The following PTPRE variants were observed in gnomAD, a reference collection of about 807,000 sequenced individuals.
The protein encoded by PTPRE is protein tyrosine phosphatase receptor type E.
PTPRE carries 51 observed loss-of-function variants against 102.0 expected under a neutral mutation model. That is an observed-to-expected ratio of 0.50 (90% confidence interval 0.40 to 0.63). The LOEUF is 0.63. Ranked by LOEUF, PTPRE falls within the 30% of genes least tolerant of loss-of-function variation. The probability of loss-of-function intolerance (pLI) is 0.00; values close to 1 mark genes in which losing one functional copy is unlikely to be tolerated. For missense variants in PTPRE, 752 were observed against 915.1 expected (o/e 0.82, Z 2.30); for synonymous variants, 345 against 348.2 (o/e 0.99, Z 0.10).
At chr10:128,010,221 T>G (rs1456784463) in intron 2 of PTPRE, among the ~76,000 whole-genome samples, 2 of 152,148 alleles carry the variant, frequency 1.3e-5, no homozygotes, top group Non-Finnish European at 2.9e-5. Flanking sequence ...ACACCAGAGA[T>G]TACTTCCCAT....
intron 1 of PTPRE, among the ~76,000 whole-genome samples, chr10:127,939,038 C>T (rs1478994707): frequency 6.6e-6 from 1 of 152,200 alleles, no homozygotes; most frequent in Non-Finnish European, 1.5e-5. Context: ...ACTACAGTTA[C>T]ATTTTTCCCT....
intron 8 of PTPRE, among the ~76,000 whole-genome samples, 175 bp from the exon 9 acceptor site, chr10:128,061,504 A>G (rs1020285092): frequency 6.6e-6 from 1 of 152,222 alleles, no homozygotes; most frequent in African/African-American, 2.4e-5. Context: ...GGACGTATGA[A>G]GTAGGATTTG....
intron 3 of PTPRE, among the ~76,000 whole-genome samples, chr10:128,041,646 C>CAA (rs59411622): frequency 4.9e-4 from 38 of 77,348 alleles, no homozygotes; most frequent in East Asian, 2.0e-3. Context: ...GACTACGTCT[C>CAA]AAAAAAAAAA....
chr10:128,035,923 G>C (rs1050167737), intron 2 of PTPRE, among the ~76,000 whole-genome samples: 1 of 152,182 alleles, frequency 6.6e-6, no homozygotes, highest in African/African-American at 2.4e-5. Flanking sequence ...GGTCTCCTGG[G>C]CTGGTTGAGA....
Position 128,070,564 on chromosome 10 carries a change from A to C in PTPRE, c.1293+114A>C. 1.4e-6 allele frequency: 2 copies of C among 1,385,232 alleles called. No homozygotes were observed. The highest frequency in any genetic ancestry group is 1.9e-6 in the Non-Finnish European group (2 of 1,035,232). The allele number at this position is 1,385,232 out of a possible 1,614,324, so 85.8% of individuals were successfully genotyped here. ...AATCACTTGCCCCTTAACTGACCTC[A>C]GAAAAAGCAGGGGCAATACCTGAGC... On this transcript the variant is annotated intron_variant, in intron 14 of 20. Coordinates refer to ENST00000254667, the MANE Select transcript of PTPRE (RefSeq NM_006504.6). This position sits in a 1 kb window ranked among gnomAD's most constrained non-coding sequence, Gnocchi z 4.8.
chr10:128,067,192 GCACACACATACACC>G (rs1384580640), intron 11 of PTPRE, among the ~76,000 whole-genome samples: 16 of 125,102 alleles, frequency 1.3e-4, no homozygotes, highest in African/African-American at 4.7e-4. Flanking sequence ...TCACACATGT[GCACACACATACACC>G]CACACACATT....
At chr10:128,050,082 G>A (rs1053688363) in intron 6 of PTPRE, among the ~76,000 whole-genome samples, 2 of 147,304 alleles carry the variant, frequency 1.4e-5, no homozygotes, top group East Asian at 2.0e-4. Flanking sequence ...CAGAGTAGGC[G>A]ATGTTCCTCT....
intron 2 of PTPRE, among the ~76,000 whole-genome samples, chr10:128,006,874 T>C (rs1009507884): frequency 6.6e-6 from 1 of 152,162 alleles, no homozygotes; most frequent in Non-Finnish European, 1.5e-5. Context: ...AACCTCCCCA[T>C]TGTCACTGAA....
At chr10:128,065,786 A>G (rs955509526) in intron 10 of PTPRE, among the ~76,000 whole-genome samples, 1 of 152,232 alleles carries the variant, frequency 6.6e-6, no homozygotes, top group African/African-American at 2.4e-5. Context: ...GTTGATGGTC[A>G]GTTAATAAAA....
rs529188665 is a variant in PTPRE, at chr10:128,069,646, G to A, written c.1008-46G>A. The A allele has an allele frequency of 5.6e-6, 9 of 1,609,698 alleles. No homozygotes were observed. In the African/African-American group the frequency reaches 8.0e-5, roughly 14 times the overall value. ...CCCTTCGGGGCCTTTCATTTACTTC[G>A]GGAGGAGTGTGACTCACGACGCAGC... On this transcript the variant is annotated intron_variant, in intron 12 of 20. Coordinates refer to ENST00000254667, the MANE Select transcript of PTPRE (RefSeq NM_006504.6).
intron 1 of PTPRE, among the ~76,000 whole-genome samples, chr10:127,930,755 C>A (rs1278588952): frequency 6.6e-6 from 1 of 151,952 alleles, no homozygotes; most frequent in East Asian, 1.9e-4. Context: ...TCTTTGCCAA[C>A]ATTTGCTATT....
intron 1 of PTPRE, among the ~76,000 whole-genome samples, chr10:127,965,808 T>A (rs773541497): frequency 6.6e-6 from 1 of 152,178 alleles, no homozygotes; most frequent in Non-Finnish European, 1.5e-5. Context: ...CCAGCCAGTC[T>A]CCACCTCTTT....
intron 2 of PTPRE, among the ~76,000 whole-genome samples, chr10:128,029,084 G>A (rs1294097728): frequency 6.6e-6 from 1 of 152,194 alleles, no homozygotes; most frequent in Non-Finnish European, 1.5e-5. Context: ...ATAAGAGTGG[G>A]TGGCTTTCAT....
intron 1 of PTPRE, among the ~76,000 whole-genome samples, chr10:127,954,506 G>A (rs1458869476): frequency 6.6e-6 from 1 of 152,188 alleles, no homozygotes; most frequent in Non-Finnish European, 1.5e-5. Context: ...GCACAGCATT[G>A]CTTCTGACCA....
chr10:128,077,827 C>T, intron 19 of PTPRE, 44 bp downstream of exon 19: 1 of 1,549,974 alleles, frequency 6.5e-7, no homozygotes, highest in African/African-American at 1.4e-5. Flanking sequence ...TGGACACAGG[C>T]TGCACCCCCC....
chr10:128,073,561 C>A, intron 17 of PTPRE, 90 bp downstream of exon 17: 1 of 1,470,634 alleles, frequency 6.8e-7, no homozygotes, highest in Non-Finnish European at 9.1e-7. Context: ...CACCTGCCAT[C>A]ACTGCAAACA....
chr10:128,032,396 C>G (rs1303326123), intron 2 of PTPRE, among the ~76,000 whole-genome samples: 1 of 152,198 alleles, frequency 6.6e-6, no homozygotes, highest in Non-Finnish European at 1.5e-5. Context: ...ACTTGTGCCT[C>G]CAAGCTTCTG....
intron 2 of PTPRE, among the ~76,000 whole-genome samples, chr10:128,023,513 A>G (rs957637460): frequency 6.6e-6 from 1 of 152,222 alleles, no homozygotes; most frequent in Non-Finnish European, 1.5e-5. Flanking sequence ...GCATATTGTT[A>G]GAATTGTTCT....
At chr10:127,918,544 G>C (rs1286962000) in intron 1 of PTPRE, among the ~76,000 whole-genome samples, 1 of 148,484 alleles carries the variant, frequency 6.7e-6, no homozygotes, top group Non-Finnish European at 1.5e-5. Flanking sequence ...GGGCGACAGA[G>C]CGAGACTCCA....
Sources: allele counts gnomAD v4.1 joint callset (sites outside exome capture counted in the v4.1 genomes callset), GRCh38; gene constraint gnomAD v4.1.1; non-coding constraint Gnocchi (gnomAD v3.1); transcripts MANE v1.5; gene names NCBI Gene and HGNC (gene_info 2026-07-23, HGNC 2026-07-21).